The following EPHA5 variants were observed in gnomAD, a reference collection of about 807,000 sequenced individuals.
EPHA5 encodes EPH receptor A5, also known as ephrin type-A receptor 5.
In EPHA5, 60 loss-of-function variants were observed where a neutral mutation model predicts 105.0. That is an observed-to-expected ratio of 0.57 (90% CI 0.46 to 0.71). The LOEUF is 0.71. EPHA5 is among the 30% of genes least tolerant of loss of function. The probability of loss-of-function intolerance (pLI) is 0.00; values close to 1 mark genes in which losing one functional copy is unlikely to be tolerated. For missense variants in EPHA5, 1,218 were observed against 1,274.7 expected (o/e 0.96, Z 0.68); for synonymous variants, 513 against 449.1 (o/e 1.14, Z -1.80).
At chr4:65,352,747 A>G (rs1455580635) in intron 12 of EPHA5, among the ~76,000 whole-genome samples, 3 of 150,422 alleles carry the variant, frequency 2.0e-5, no homozygotes, top group African/African-American at 7.3e-5. Context: ...TCTTTTTTAA[A>G]ATTTTTCTTT....
At chr4:65,572,931 T>G (rs1236510594) in intron 3 of EPHA5, among the ~76,000 whole-genome samples, 1 of 151,834 alleles carries the variant, frequency 6.6e-6, no homozygotes, top group African/African-American at 2.4e-5. Context: ...CTCAGGAGAC[T>G]TAGGCAAGAG....
rs2148991155 is a variant in EPHA5, at chr4:65,404,441, T to A, written c.1726A>T (p.Ile576Phe). ...ASSDQSQIPV[I>F]AVSVTVGVIL... ...ACTCCCACTGTCACAGACACAGCAATTACAGGAATCTGGCTTTGATCGCTG... is the reference window on the plus strand; with the variant it reads ...ACTCCCACTGTCACAGACACAGCAAATACAGGAATCTGGCTTTGATCGCTG... Residue 576 changes from isoleucine (I) to phenylalanine (F), a missense_variant, in exon 8 of 17, where the codon ATT becomes TTT. Ile to Phe is a conservative substitution (Grantham distance 21). Around this residue, in one of 3 missense-constraint regions of EPHA5, gnomAD observed 971 missense variants for 1,013.5 expected, o/e 0.96. Transcript: ENST00000613740. 5.0e-6 allele frequency: 8 copies of A among 1,613,736 alleles called. No individual in the cohort carries two copies. The highest frequency in any genetic ancestry group is 6.8e-6 in the Non-Finnish European group (8 of 1,179,780).
At chr4:65,372,030 T>C (rs948303475) in intron 8 of EPHA5, among the ~76,000 whole-genome samples, 6 of 151,914 alleles carry the variant, frequency 3.9e-5, no homozygotes, top group Non-Finnish European at 7.4e-5. Context: ...AATATCTATA[T>C]GAGATGAGAA....
chr4:65,465,467 AAAAGAAAGAAAGAAAGAAAG>A (rs749079632), intron 5 of EPHA5, among the ~76,000 whole-genome samples: 8 of 75,082 alleles, frequency 1.1e-4, no homozygotes, highest in African/African-American at 3.0e-4. Context: ...AAAAGAAAGA[AAAAGAAAGAAAGAAAGAAAG>A]AAAGAAAGAA....
In EPHA5 at chr4:65,320,045, T is replaced by G. The variant is rs953598269; in HGVS notation, c.*4069A>C. The G allele has an allele frequency of 4.3e-6, 1 of 230,106 alleles. No homozygotes were observed. The highest frequency in any genetic ancestry group is 8.6e-6 in the Non-Finnish European group (1 of 116,026). 14.3% of individuals were successfully genotyped at this position (230,106 alleles called of 1,614,324 possible). On this transcript the variant is annotated 3_prime_UTR_variant, in exon 17 of 17. Coordinates refer to ENST00000613740, the MANE Select transcript of EPHA5 (RefSeq NM_001281766.3). The stretch of plus-strand genomic sequence containing the variant: ...TTGATTCTGATTATTATAAACAGAC[T>G]TTTTTTCTTTTAAAAGAATTGGTAT...
chr4:65,512,758 G>A (rs1165020932), intron 3 of EPHA5, among the ~76,000 whole-genome samples: 1 of 152,078 alleles, frequency 6.6e-6, no homozygotes, highest in Non-Finnish European at 1.5e-5. Context: ...GTGCCAGACA[G>A]ACTAATACAA....
chr4:65,394,371 C>T (rs961683452), intron 8 of EPHA5, among the ~76,000 whole-genome samples: 38 of 152,286 alleles, frequency 2.5e-4, no homozygotes, highest in African/African-American at 7.2e-4. Context: ...AAGGCCCTGA[C>T]GTCAGAGCTG....
At chr4:65,478,239 A>C (rs942401660) in intron 5 of EPHA5, among the ~76,000 whole-genome samples, 1 of 152,180 alleles carries the variant, frequency 6.6e-6, no homozygotes, top group Admixed American at 6.5e-5. Context: ...TCACAGAAGC[A>C]TCAGTGTGAG....
intron 5 of EPHA5, among the ~76,000 whole-genome samples, chr4:65,488,898 T>TTTTC (rs962406911): frequency 2.0e-5 from 3 of 148,528 alleles, no homozygotes; most frequent in African/African-American, 7.4e-5. Context: ...TTTTTTTTTT[T>TTTTC]TTTTTGAGAC....
chr4:65,625,877 C>T (rs533506856), intron 2 of EPHA5, among the ~76,000 whole-genome samples: 6 of 152,098 alleles, frequency 3.9e-5, no homozygotes, highest in East Asian at 3.9e-4. Flanking sequence ...TTTAGGAGGC[C>T]GAGGCGGGAG....
At chr4:65,327,671 T>C (rs1337440303) in intron 16 of EPHA5, among the ~76,000 whole-genome samples, 2 of 151,314 alleles carry the variant, frequency 1.3e-5, no homozygotes, top group Non-Finnish European at 3.0e-5. Flanking sequence ...TAAGATGATT[T>C]ATGCAAGTTA....
At chr4:65,640,391 T>C (rs960859191) in intron 2 of EPHA5, among the ~76,000 whole-genome samples, 5 of 147,644 alleles carry the variant, frequency 3.4e-5, no homozygotes, top group Non-Finnish European at 1.5e-5. Flanking sequence ...GTTCAAGCCA[T>C]TCTCCTGCCT....
chr4:65,515,105 G>A (rs1578305474), intron 3 of EPHA5, among the ~76,000 whole-genome samples: 1 of 151,930 alleles, frequency 6.6e-6, no homozygotes, highest in African/African-American at 2.4e-5. Flanking sequence ...AACTCTCCAT[G>A]TTCCCTAAAA....
Position 65,336,054 on chromosome 4 carries a change from T to C in EPHA5, c.2667A>G (p.Leu889=), listed in dbSNP as rs1309130536. The C allele has an allele frequency of 6.2e-7, 1 of 1,613,352 alleles. No individual in the cohort carries two copies. The highest frequency in any genetic ancestry group is 1.1e-5 in the South Asian group (1 of 91,068). The change falls in exon 15 of 17, where the codon TTA becomes TTG. Residue 889 remains leucine, a synonymous_variant. Transcript: ENST00000613740. Reference sequence around the variant, plus strand: ...GCTCTTTCTGCCAGCAATCCAGCATTAACTGATAGAGAGCAGCAGGACAAT... The same window carrying C: ...GCTCTTTCTGCCAGCAATCCAGCATCAACTGATAGAGAGCAGCAGGACAAT... ...PMDCPAALYQ[L]MLDCWQKERN... is the part of the protein sequence containing the mutation.
At chr4:65,363,529 G>A (rs901738013) in intron 11 of EPHA5, among the ~76,000 whole-genome samples, 1 of 151,512 alleles carries the variant, frequency 6.6e-6, no homozygotes, top group Admixed American at 6.6e-5. Context: ...TAGATTGGCT[G>A]CCTATGGAGT....
intron 5 of EPHA5, among the ~76,000 whole-genome samples, chr4:65,468,862 A>G (rs942930189): frequency 6.6e-6 from 1 of 151,568 alleles, no homozygotes; most frequent in Non-Finnish European, 1.5e-5. Context: ...TTTAATCCCT[A>G]AATCCATTCC....
rs28528375 is a variant in EPHA5 at position 65,538,633 on chromosome 4, G to A, written c.911-43090C>T. Among the ~76,000 whole-genome samples the A allele has an allele frequency of 8.9e-3, 1,350 of 151,728 alleles. 27 individuals are homozygous for A. Among genetic ancestry groups the A allele is most frequent in the African/African-American group, 0.031 (1,269 of 41,488 alleles). On this transcript the variant is annotated intron_variant, in intron 3 of 16. Coordinates refer to ENST00000613740, the MANE Select transcript of EPHA5 (RefSeq NM_001281766.3). ...TGGAGTCAAGAGCAGAGACAGACAA[G>A]TGACTCCTAGATGTAGTCTTCATTC...
At chr4:65,367,513 T>C (rs1718033412) in intron 8 of EPHA5, 89 bp from the exon 9 acceptor site, 1 of 1,209,610 alleles carries the variant, frequency 8.3e-7, no homozygotes, top group East Asian at 2.4e-5. Context: ...ACTGAAATTA[T>C]TGCAACCCTA....
intron 3 of EPHA5, among the ~76,000 whole-genome samples, chr4:65,565,449 T>C (rs1739437907): frequency 6.6e-6 from 1 of 151,708 alleles, no homozygotes; most frequent in African/African-American, 2.4e-5. Context: ...TAAATGTTTT[T>C]CAGTAAAATT....
Sources: allele counts gnomAD v4.1 joint callset (sites outside exome capture counted in the v4.1 genomes callset), GRCh38; gene constraint gnomAD v4.1.1; regional missense constraint gnomAD v4.1.1; transcripts MANE v1.5; gene names NCBI Gene and HGNC (gene_info 2026-07-23, HGNC 2026-07-21).